ZNF385D: variants seen among roughly 807,000 people sequenced by gnomAD.
ZNF385D encodes the protein zinc finger protein 385D.
ZNF385D carries 15 observed loss-of-function variants against 35.8 expected under a neutral mutation model. The ratio of observed to expected loss-of-function variants is 0.42; its 90% CI spans 0.28 to 0.64. ZNF385D has a LOEUF of 0.64. ZNF385D is among the 30% of genes least tolerant of loss of function. The pLI is 0.23. For missense variants in ZNF385D, 474 were observed against 494.6 expected (o/e 0.96, Z 0.39); for synonymous variants, 212 against 186.8 (o/e 1.13, Z -1.10).
intron 3 of ZNF385D, among the ~76,000 whole-genome samples, chr3:22,152,456 T>C (rs910765346): frequency 1.6e-4 from 24 of 152,088 alleles, no homozygotes; most frequent in Non-Finnish European, 1.0e-4. Context: ...CTGAAATGGA[T>C]TCTATGGGGT....
intron 3 of ZNF385D, chr3:21,961,302 C>G (rs1450876477): frequency 1.3e-5 from 2 of 152,036 alleles, no homozygotes; most frequent in Non-Finnish European, 2.9e-5. Flanking sequence ...AGAACAGAAA[C>G]TTACAGGAAT....
At chr3:21,873,170 G>A (rs1346629167) in intron 3 of ZNF385D, among the ~76,000 whole-genome samples, 2 of 152,120 alleles carry the variant, frequency 1.3e-5, no homozygotes, top group East Asian at 3.8e-4. Flanking sequence ...GAAAGATAAA[G>A]CTATGGATTT....
At chr3:22,198,729 A>G (rs1696586865) in intron 2 of ZNF385D, among the ~76,000 whole-genome samples, 1 of 152,102 alleles carries the variant, frequency 6.6e-6, no homozygotes, top group Non-Finnish European at 1.5e-5. Flanking sequence ...TGGTAAGTGA[A>G]CACACATTCA....
chr3:21,455,871 A>G (rs997657097), intron 4 of ZNF385D, among the ~76,000 whole-genome samples: 4 of 151,792 alleles, frequency 2.6e-5, no homozygotes, highest in African/African-American at 9.7e-5. Context: ...AGAATCTACA[A>G]TGAACTCAAA....
Position 22,016,892 on chromosome 3 carries a change from T to TATC in ZNF385D, c.325+151924_325+151925insGAT, listed in dbSNP as rs1559851650. On this transcript the variant is annotated intron_variant, in intron 3 of 5. Transcript: ENST00000494108. ...AAGATCTAATAAAAGTTTATTGAAT[T>TATC]TATCTATCAATCTATCTATCTATCC... Among the ~76,000 whole-genome samples the TATC allele has an allele frequency of 1.2e-3, 184 of 151,144 alleles. 1 individual carries two copies. The highest frequency in any genetic ancestry group is 4.3e-3 in the African/African-American group (174 of 40,790).
chr3:21,782,253 G>A (rs73142805), intron 3 of ZNF385D, among the ~76,000 whole-genome samples: 4,437 of 152,052 alleles, frequency 0.029, 194 homozygotes, highest in African/African-American at 0.1. Context: ...TAGTAGTGCC[G>A]GCCAAGTGGA....
intron 3 of ZNF385D, among the ~76,000 whole-genome samples, chr3:22,064,909 A>T (rs1011579231): frequency 1.4e-4 from 22 of 152,172 alleles, no homozygotes; most frequent in Non-Finnish European, 2.8e-4. Context: ...TTGTATATTT[A>T]AAAAAATGTT....
chr3:22,081,267 T>C (rs572341810), intron 3 of ZNF385D, among the ~76,000 whole-genome samples: 49 of 152,298 alleles, frequency 3.2e-4, no homozygotes, highest in African/African-American at 1.0e-3. Context: ...CTGTGGGTCT[T>C]AATTTCAAAT....
intron 3 of ZNF385D, among the ~76,000 whole-genome samples, chr3:21,845,789 C>T (rs1695969214): frequency 6.6e-6 from 1 of 151,954 alleles, no homozygotes; most frequent in African/African-American, 2.4e-5. Context: ...TAAGAATCAA[C>T]GTCTTTAACT....
At chr3:21,937,322 C>T (rs1232237143) in intron 3 of ZNF385D, among the ~76,000 whole-genome samples, 1 of 152,126 alleles carries the variant, frequency 6.6e-6, no homozygotes, top group African/African-American at 2.4e-5. Context: ...TTTCACCATT[C>T]TCCACTCCAG....
At chr3:21,735,750 C>G (rs1419091074) in intron 1 of ZNF385D, among the ~76,000 whole-genome samples, 1 of 152,198 alleles carries the variant, frequency 6.6e-6, no homozygotes, top group African/African-American at 2.4e-5. Flanking sequence ...AAAGAGACAG[C>G]AGGTAATTGG....
chr3:22,108,943 C>T lies in ZNF385D; in HGVS notation c.325+59874G>A, dbSNP rs542110097. Among the ~76,000 whole-genome samples, 18 of 152,136 alleles carry T rather than the reference C, an allele frequency of 1.2e-4. No individual in the cohort carries two copies. In the South Asian group the frequency reaches 1.2e-3, roughly 11 times the overall value. The stretch of plus-strand genomic sequence containing the variant: ...AGGAGAATCGCTTGAACCTGAGAAG[C>T]GGAGGTTGCAATGAGCCAAGATTAC... On this transcript the variant is annotated intron_variant, in intron 3 of 5. Transcript: ENST00000494108.
At chr3:21,521,390 G>T (rs888481940) in intron 3 of ZNF385D, among the ~76,000 whole-genome samples, 1 of 152,178 alleles carries the variant, frequency 6.6e-6, no homozygotes, top group Non-Finnish European at 1.5e-5. Context: ...CACACCAGAT[G>T]CTCTTGTAGG....
chr3:21,938,879 G>A (rs1000120161), intron 3 of ZNF385D, among the ~76,000 whole-genome samples: 25 of 151,982 alleles, frequency 1.6e-4, no homozygotes, highest in Non-Finnish European at 2.2e-4. Flanking sequence ...AATTTTATTC[G>A]TTACTTTGCA....
intron 3 of ZNF385D, among the ~76,000 whole-genome samples, chr3:21,896,016 T>C (rs569610577): frequency 1.3e-5 from 2 of 152,292 alleles, no homozygotes; most frequent in African/African-American, 4.8e-5. Flanking sequence ...AGAGAAATAG[T>C]TACTTGGGCC....
At chr3:21,734,071 A>C (rs1343489435) in intron 1 of ZNF385D, among the ~76,000 whole-genome samples, 1 of 152,164 alleles carries the variant, frequency 6.6e-6, no homozygotes, top group Non-Finnish European at 1.5e-5. Flanking sequence ...TTCTTCTTTC[A>C]GATAAATTAT....
chr3:21,838,145 T>G (rs9868247), intron 3 of ZNF385D, among the ~76,000 whole-genome samples: 12,007 of 152,030 alleles, frequency 0.079, 605 homozygotes, highest in East Asian at 0.21. Context: ...AAGAACAGTG[T>G]TTGGAAGAAC....
chr3:21,820,109 A>G (rs1035046736), intron 3 of ZNF385D, among the ~76,000 whole-genome samples: 3 of 151,756 alleles, frequency 2.0e-5, no homozygotes, highest in Non-Finnish European at 4.4e-5. Flanking sequence ...GCATTTAATA[A>G]GCTTTATCTA....
At chr3:21,959,984 C>G (rs1398739599) in intron 3 of ZNF385D, among the ~76,000 whole-genome samples, 1 of 122,140 alleles carries the variant, frequency 8.2e-6, no homozygotes, top group African/African-American at 3.2e-5. Context: ...TTGGAGTAGG[C>G]AAATATTTGA....
Sources: gnomAD v4.1 joint callset for allele counts (sites outside exome capture counted in the v4.1 genomes callset) on GRCh38, gnomAD v4.1.1 for gene constraint, MANE v1.5 for transcripts, NCBI Gene and HGNC (gene_info 2026-07-23, HGNC 2026-07-21) for gene names.